The following CLHC1 variants were observed in gnomAD, a reference collection of about 807,000 sequenced individuals.
The protein encoded by CLHC1 is clathrin heavy chain linker domain containing 1.
A neutral mutation model predicts 69.5 loss-of-function variants in CLHC1; 72 were observed. That is an observed-to-expected ratio of 1.04 (90% CI 0.86 to 1.26). The LOEUF (loss-of-function observed/expected upper bound fraction) is 1.26, where lower values mean the gene tolerates loss of function less well. Ranked by LOEUF, CLHC1 falls within the 50% of genes most tolerant of loss-of-function variation. CLHC1 has a pLI of 0.00. For missense variants in CLHC1, 790 were observed against 679.3 expected (o/e 1.16, Z -1.81); for synonymous variants, 223 against 224.3 (o/e 0.99, Z 0.05).
intron 2 of CLHC1, chr2:55,224,756 C>T (rs1235586397): frequency 9.1e-6 from 3 of 328,962 alleles, no homozygotes; most frequent in Non-Finnish European, 1.9e-5. Context: ...TCCATGAGAA[C>T]ATCAGTGCTT....
Position 55,209,512 on chromosome 2 carries a change from G to C in CLHC1, c.706C>G (p.Gln236Glu), listed in dbSNP as rs1220617751. 1 of 1,603,768 alleles carries C rather than the reference G, an allele frequency of 6.2e-7. No individual in the cohort carries two copies. Among genetic ancestry groups the C allele is most frequent in the South Asian group, 1.1e-5 (1 of 89,306 alleles). Residue 236 changes from glutamine to glutamate, a missense_variant, in exon 7 of 13, where the codon CAA (glutamine) becomes GAA (glutamate). By Grantham distance (29) the Gln-to-Glu change is conservative. Transcript: ENST00000401408. Reference protein sequence around the residue: ...NLNKKLQFCHQRLQIISQALS... With the variant: ...NLNKKLQFCHERLQIISQALS... ...GCCTGTGAAATTATCTGCAGTCTTTGATGACTAAAAAGATAAAAAACGTCA... is the reference window on the plus strand; with the variant it reads ...GCCTGTGAAATTATCTGCAGTCTTTCATGACTAAAAAGATAAAAAACGTCA...
rs1228115138 is a variant in CLHC1, at chr2:55,222,247, A to T, written c.165T>A (p.Asn55Lys). 6.2e-7 allele frequency: 1 copy of T among 1,612,044 alleles called. No individual in the cohort carries two copies. Among genetic ancestry groups the T allele is most frequent in the Non-Finnish European group, 8.5e-7 (1 of 1,178,550 alleles). Residue 55 changes from asparagine (N) to lysine (K), a missense_variant, in exon 3 of 13, where the codon AAT becomes AAA. Transcript: ENST00000401408. ...AGCTTTATGATACCTTATCAAAAAC[A>T]TTTCGGTATATGATGTAATATTCAT... ...PADEYYIIYR[N>K]VFDKVIEHIT...
chr2:55,227,358 G>C (rs1674803952), intron 2 of CLHC1, among the ~76,000 whole-genome samples: 2 of 151,574 alleles, frequency 1.3e-5, no homozygotes, highest in African/African-American at 2.4e-5. Flanking sequence ...TCTAGTAGGG[G>C]AGACAAACTA....
At chr2:55,219,923 A>G (rs780143546) in intron 3 of CLHC1, among the ~76,000 whole-genome samples, 3 of 152,104 alleles carry the variant, frequency 2.0e-5, no homozygotes, top group Non-Finnish European at 4.4e-5. Flanking sequence ...TTTGGTAGAG[A>G]CAGAGTGTTG....
chr2:55,179,519 C>T (rs1669712319), intron 11 of CLHC1, among the ~76,000 whole-genome samples: 1 of 152,122 alleles, frequency 6.6e-6, no homozygotes, highest in Non-Finnish European at 1.5e-5. Context: ...TGACCAGATT[C>T]AACAACTACT....
chr2:55,227,846 CTCTTTT>C (rs925565680), intron 2 of CLHC1, among the ~76,000 whole-genome samples, 180 bp downstream of exon 2: 14 of 93,378 alleles, frequency 1.5e-4, no homozygotes, highest in African/African-American at 8.8e-4. Context: ...AAACTAATGA[CTCTTTT>C]TCTTTGACCA....
intron 10 of CLHC1, among the ~76,000 whole-genome samples, chr2:55,181,170 G>A (rs1451981698): frequency 6.6e-6 from 1 of 151,988 alleles, no homozygotes; most frequent in African/African-American, 2.4e-5. Context: ...TAGTAGAGAT[G>A]GGGTTTCACC....
chr2:55,206,481 G>A (rs1672460940), intron 8 of CLHC1, 105 bp from the exon 9 acceptor site: 2 of 676,730 alleles, frequency 3.0e-6, no homozygotes, highest in African/African-American at 1.8e-5. Flanking sequence ...ATAACGATAT[G>A]GAAAAACAAA....
At chr2:55,213,814 A>T (rs1279031112) in intron 4 of CLHC1, among the ~76,000 whole-genome samples, 1 of 152,230 alleles carries the variant, frequency 6.6e-6, no homozygotes. Flanking sequence ...TATAGGAACC[A>T]CTACAATGGA....
intron 9 of CLHC1, among the ~76,000 whole-genome samples, chr2:55,205,005 G>A (rs977814340): frequency 6.6e-6 from 1 of 152,064 alleles, no homozygotes; most frequent in Non-Finnish European, 1.5e-5. Context: ...TTGTTAAAAT[G>A]GCCATACTGC....
Position 55,175,460 on chromosome 2 carries a change from G to A in CLHC1, c.*330C>T, listed in dbSNP as rs1669299752. On this transcript the variant is annotated 3_prime_UTR_variant, in exon 13 of 13. Transcript: ENST00000401408. ...CAGGATACTACCCACACCTTCCTCA[G>A]TTCTTGCTATCATATTACATCACCA... 4.4e-6 allele frequency: 1 copy of A among 228,726 alleles called. No homozygotes were observed. Among genetic ancestry groups the A allele is most frequent in the South Asian group, 8.7e-5 (1 of 11,466 alleles). The allele number at this position is 228,726 out of a possible 1,614,324, so 14.2% of individuals were successfully genotyped here.
At position 55,217,975 on chromosome 2, in the gene CLHC1, G is replaced by C; in HGVS notation, c.201C>G (p.Tyr67Ter). ...TTTTGATTGAAGTAAGAATGGATTTGTATGCAGTGATATGCTCTATTACCT... is the reference window on the plus strand; with the variant it reads ...TTTTGATTGAAGTAAGAATGGATTTCTATGCAGTGATATGCTCTATTACCT... Reference protein sequence around the residue: ...FDKVIEHITAYKSILTSIKKE... With the variant: ...FDKVIEHITA Residue 67 changes from tyrosine (Y) to a stop codon, truncating the protein, a stop_gained, in exon 4 of 13, where the codon TAC becomes TAG. Coordinates refer to ENST00000401408, the MANE Select transcript of CLHC1 (RefSeq NM_152385.4). LOFTEE classifies it high-confidence loss of function. 1.9e-6 allele frequency: 3 copies of C among 1,569,280 alleles called. No individual in the cohort carries two copies. Among genetic ancestry groups the C allele is most frequent in the Non-Finnish European group, 1.7e-6 (2 of 1,157,850 alleles).
rs1162152330 is a variant in CLHC1, at chr2:55,177,597, C to G, written c.1564+5G>C. On this transcript the variant is annotated splice_donor_5th_base_variant and intron_variant, in intron 12 of 12. Coordinates refer to ENST00000401408, the MANE Select transcript of CLHC1 (RefSeq NM_152385.4). ...ATTTCTCCCACAACATTTTATTCTACTTACCTATCCCACCTTTATTGATTT... is the reference window on the plus strand; with the variant it reads ...ATTTCTCCCACAACATTTTATTCTAGTTACCTATCCCACCTTTATTGATTT... The G allele has an allele frequency of 6.3e-7, 1 of 1,585,096 alleles. No homozygotes were observed. Among genetic ancestry groups the G allele is most frequent in the Non-Finnish European group, 8.6e-7 (1 of 1,162,282 alleles).
At chr2:55,198,691 C>T (rs1193238756) in intron 9 of CLHC1, among the ~76,000 whole-genome samples, 2 of 151,954 alleles carry the variant, frequency 1.3e-5, no homozygotes, top group Non-Finnish European at 2.9e-5. Flanking sequence ...CAGATTTAAC[C>T]CAAAGAAGAC....
intron 1 of CLHC1, among the ~76,000 whole-genome samples, chr2:55,228,737 A>G (rs1674955693): frequency 6.6e-6 from 1 of 152,204 alleles, no homozygotes; most frequent in African/African-American, 2.4e-5. Flanking sequence ...TTTATTCAAT[A>G]TTTGGGGGAC....
chr2:55,224,402 G>A, intron 2 of CLHC1: 1 of 435,116 alleles, frequency 2.3e-6, no homozygotes, highest in African/African-American at 2.0e-5. Flanking sequence ...GGTCCTCCTG[G>A]AGGAAAGCTA....
Position 55,211,078 on chromosome 2 carries a change from A to G in CLHC1, c.500-1247T>C, listed in dbSNP as rs187126747. ...ACTCCTCCCCCAGAAACTTACCTGC[A>G]TTGATTCTACTTAATTTTAACCAGT... On this transcript the variant is annotated intron_variant, in intron 5 of 12. Coordinates refer to ENST00000401408, the MANE Select transcript of CLHC1 (RefSeq NM_152385.4). 4.2e-3 allele frequency among the ~76,000 whole-genome samples: 647 copies of G among 152,244 alleles called. 2 individuals carry two copies. The highest frequency in any genetic ancestry group is 7.5e-3 in the South Asian group (36 of 4,828).
At chr2:55,199,291 C>A (rs1671714279) in intron 9 of CLHC1, among the ~76,000 whole-genome samples, 2 of 95,348 alleles carry the variant, frequency 2.1e-5, no homozygotes, top group Admixed American at 1.2e-4. Flanking sequence ...AGTGAGACTC[C>A]ATCTCAAAAA....
chr2:55,191,323 C>A (rs1406192300), intron 9 of CLHC1, among the ~76,000 whole-genome samples: 8 of 152,190 alleles, frequency 5.3e-5, no homozygotes, highest in African/African-American at 1.9e-4. Context: ...TGCACCTCCA[C>A]CTCCTGGATT....
Sources: gnomAD v4.1 joint callset for allele counts (sites outside exome capture counted in the v4.1 genomes callset) on GRCh38, gnomAD v4.1.1 for gene constraint, MANE v1.5 for transcripts, NCBI Gene and HGNC (gene_info 2026-07-23, HGNC 2026-07-21) for gene names.